ZNF407: variants seen among roughly 807,000 people sequenced by gnomAD.
ZNF407 encodes the protein zinc finger protein 407.
ZNF407 carries 17 observed loss-of-function variants against 131.2 expected under a neutral mutation model. That is an observed-to-expected ratio of 0.13 (90% CI 0.09 to 0.19). ZNF407 has a LOEUF of 0.19. ZNF407 is among the 10% of genes least tolerant of loss of function. The probability of loss-of-function intolerance (pLI) is 1.00; values close to 1 mark genes in which losing one functional copy is unlikely to be tolerated. For missense variants in ZNF407, 2,681 were observed against 2,830.6 expected, an observed-to-expected ratio of 0.95 and a Z score of 1.20; for synonymous variants, 1,156 against 1,062.0, an observed-to-expected ratio of 1.09 and a Z score of -1.72.
intron 3 of ZNF407, among the ~76,000 whole-genome samples, chr18:74,662,294 T>A (rs939985870): frequency 1.3e-5 from 2 of 152,134 alleles, no homozygotes; most frequent in Non-Finnish European, 2.9e-5. Context: ...AGTGATATGA[T>A]CCATAAGACT....
chr18:74,816,385 T>C (rs1018488950), intron 4 of ZNF407, among the ~76,000 whole-genome samples: 2 of 152,224 alleles, frequency 1.3e-5, no homozygotes, highest in African/African-American at 4.8e-5. Flanking sequence ...TCAGTTAGCG[T>C]CCTCTGTCAG....
chr18:74,890,616 T>C (rs1016945868), intron 7 of ZNF407, among the ~76,000 whole-genome samples: 1 of 152,214 alleles, frequency 6.6e-6, no homozygotes, highest in Non-Finnish European at 1.5e-5. Flanking sequence ...GTTCAACCCA[T>C]TTATGGTATC....
Position 74,632,265 on chromosome 18 carries a change from C to T in ZNF407, c.1246C>T (p.Pro416Ser), listed in dbSNP as rs746308871. The change falls in exon 2 of 9, where the codon CCT becomes TCT. Residue 416 changes from proline to serine, a missense_variant. This residue lies in a region of ZNF407 where 1,789 missense variants were observed against 1,748.7 expected (regional missense o/e 1.02). Transcript: ENST00000299687. ...HGNSVTSRPR[P>S]ERNILVLGNS... Reference sequence around the variant, plus strand: ...TAACAGTGTAACCTCGAGGCCAAGACCTGAGCGAAATATTCTCGTGTTGGG... The same window carrying T: ...TAACAGTGTAACCTCGAGGCCAAGATCTGAGCGAAATATTCTCGTGTTGGG... 2.5e-6 allele frequency: 4 copies of T among 1,613,916 alleles called. No individual in the cohort carries two copies. In the South Asian group the frequency reaches 4.4e-5, roughly 18 times the overall value.
At chr18:74,928,336 A>G (rs768349563) in intron 8 of ZNF407, among the ~76,000 whole-genome samples, 11 of 152,186 alleles carry the variant, frequency 7.2e-5, no homozygotes, top group Non-Finnish European at 1.0e-4. Context: ...TTGAGTTAAG[A>G]TAAGGGGGAT....
intron 3 of ZNF407, among the ~76,000 whole-genome samples, chr18:74,710,402 A>G (rs1181478199): frequency 1.3e-5 from 2 of 152,202 alleles, no homozygotes; most frequent in East Asian, 3.8e-4. Context: ...GACATGCATA[A>G]TTGCACATGT....
At chr18:74,663,939 C>T (rs1269252090) in intron 3 of ZNF407, among the ~76,000 whole-genome samples, 3 of 152,192 alleles carry the variant, frequency 2.0e-5, no homozygotes, top group African/African-American at 7.2e-5. Flanking sequence ...CCTGCAGTTC[C>T]ACATAGCAGG....
intron 3 of ZNF407, among the ~76,000 whole-genome samples, chr18:74,758,134 A>G (rs918720924): frequency 6.6e-6 from 1 of 152,094 alleles, no homozygotes; most frequent in African/African-American, 2.4e-5. Context: ...CTATAATGTC[A>G]TTATTGACAA....
At chr18:74,931,748 C>CCA (rs1438968071) in intron 8 of ZNF407, among the ~76,000 whole-genome samples, 1 of 152,170 alleles carries the variant, frequency 6.6e-6, no homozygotes, top group African/African-American at 2.4e-5. Flanking sequence ...CACGTACTCA[C>CCA]CAGGAACTCA....
chr18:75,035,433 C>T (rs55649191), intron 8 of ZNF407, among the ~76,000 whole-genome samples: 1,884 of 152,268 alleles, frequency 0.012, 18 homozygotes, highest in Admixed American at 0.018. Flanking sequence ...AAGCAAATAA[C>T]GGTTTAGTGA....
chr18:74,752,680 G>C (rs1266810113), intron 3 of ZNF407, among the ~76,000 whole-genome samples: 2 of 152,176 alleles, frequency 1.3e-5, no homozygotes, highest in African/African-American at 4.8e-5. Context: ...AGATCAGATG[G>C]TTGTAGACGT....
In ZNF407 at chr18:74,632,206, A is replaced by C. The variant is rs1984136456; in HGVS notation, c.1187A>C (p.Glu396Ala). Residue 396 changes from glutamate (E) to alanine (A), a missense_variant, in exon 2 of 9, where the codon GAA (glutamate) becomes GCA (alanine). By Grantham distance (107) the Glu-to-Ala change is moderately radical. This residue lies in a region of ZNF407 where 1,789 missense variants were observed against 1,748.7 expected (regional missense o/e 1.02). Coordinates refer to ENST00000299687, the MANE Select transcript of ZNF407 (RefSeq NM_017757.3). ...TCAGAGGGTCTCTTAGAGAAATTGG[A>C]ATCTACAAAAAATACCCTTCAGGCA... ...VTSEGLLEKL[E>A]STKNTLQAAH... The C allele has an allele frequency of 6.2e-7, 1 of 1,613,954 alleles. No individual in the cohort carries two copies. The highest frequency in any genetic ancestry group is 1.3e-5 in the African/African-American group (1 of 75,042).
At chr18:74,733,729 A>G (rs1201257489) in intron 3 of ZNF407, among the ~76,000 whole-genome samples, 1 of 152,154 alleles carries the variant, frequency 6.6e-6, no homozygotes, top group Non-Finnish European at 1.5e-5. Flanking sequence ...ATTGGAACTG[A>G]ACTGTGCTGC....
intron 4 of ZNF407, among the ~76,000 whole-genome samples, chr18:74,868,226 A>G (rs992723544): frequency 6.6e-6 from 1 of 152,258 alleles, no homozygotes; most frequent in Non-Finnish European, 1.5e-5. Flanking sequence ...TATAGCTAAC[A>G]TGCTGTTTAG....
intron 7 of ZNF407, among the ~76,000 whole-genome samples, chr18:74,901,494 T>C (rs1971524342): frequency 6.6e-6 from 1 of 152,144 alleles, no homozygotes; most frequent in Non-Finnish European, 1.5e-5. Context: ...CAATGTTTTG[T>C]TACATTATGA....
At chr18:74,842,532 T>C (rs1970647988) in intron 4 of ZNF407, among the ~76,000 whole-genome samples, 1 of 152,136 alleles carries the variant, frequency 6.6e-6, no homozygotes, top group African/African-American at 2.4e-5. Flanking sequence ...TATTGTTCCT[T>C]GTTAGGTCAT....
chr18:74,602,119 A>T (rs1486531802), intron 1 of ZNF407, among the ~76,000 whole-genome samples: 1 of 152,168 alleles, frequency 6.6e-6, no homozygotes, highest in Non-Finnish European at 1.5e-5. Context: ...TCATAATTGT[A>T]CTAACTCCCT....
intron 3 of ZNF407, among the ~76,000 whole-genome samples, chr18:74,746,646 C>T (rs1020580583): frequency 5.9e-5 from 9 of 151,808 alleles, no homozygotes; most frequent in Non-Finnish European, 8.8e-5. Context: ...ATCAGTATCC[C>T]CATCTTCCAT....
chr18:74,667,741 G>A (rs994933864), intron 3 of ZNF407, among the ~76,000 whole-genome samples: 1 of 152,130 alleles, frequency 6.6e-6, no homozygotes, highest in Non-Finnish European at 1.5e-5. Flanking sequence ...TATGAACTGT[G>A]GTAATAGGCC....
At chr18:74,792,288 ACAG>A (rs1367869681) in intron 4 of ZNF407, among the ~76,000 whole-genome samples, 4 of 152,182 alleles carry the variant, frequency 2.6e-5, no homozygotes, top group African/African-American at 9.6e-5. Context: ...ATTATGGGAA[ACAG>A]CAGATTCAGC....
Sources: allele counts gnomAD v4.1 joint callset (sites outside exome capture counted in the v4.1 genomes callset), GRCh38; gene constraint gnomAD v4.1.1; regional missense constraint gnomAD v4.1.1; transcripts MANE v1.5; gene names NCBI Gene and HGNC (gene_info 2026-07-23, HGNC 2026-07-21).